Variants in HERC4 observed in about 807,000 individuals in gnomAD.
HERC4 encodes HECT and RLD domain containing E3 ubiquitin protein ligase 4.
HERC4 carries 28 observed loss-of-function variants against 124.3 expected under a neutral mutation model. The observed-to-expected ratio is 0.23, with a 90% CI of 0.17 to 0.31. HERC4 has a LOEUF of 0.31. HERC4 is among the 10% of genes least tolerant of loss of function. The pLI, the probability that HERC4 is intolerant of heterozygous loss-of-function variation, is 1.00. For missense variants in HERC4, 713 were observed against 1,229.3 expected (o/e 0.58, Z 6.28); for synonymous variants, 407 against 421.5 (o/e 0.97, Z 0.42).
At chr10:68,052,384 C>A (rs2040359339) in intron 3 of HERC4, among the ~76,000 whole-genome samples, 1 of 150,100 alleles carries the variant, frequency 6.7e-6, no homozygotes. Flanking sequence ...CATTTTTAGG[C>A]TTATTTTTAA....
chr10:68,069,388 A>T, intron 3 of HERC4: 1 of 985,376 alleles, frequency 1.0e-6, no homozygotes, highest in Non-Finnish European at 1.2e-6. Context: ...AATTCAGAAA[A>T]GCCAGTAGTG....
intron 17 of HERC4, 105 bp from the exon 18 acceptor site, chr10:67,955,235 T>C (rs571113318): frequency 2.0e-5 from 19 of 950,574 alleles, no homozygotes; most frequent in Non-Finnish European, 3.0e-5. Flanking sequence ...CTATAATTCC[T>C]ATGCTACTGA....
chr10:68,059,459 A>ATATTATAATATTATATATT (rs2040721829), intron 3 of HERC4, among the ~76,000 whole-genome samples: 2 of 83,210 alleles, frequency 2.4e-5, no homozygotes, highest in Non-Finnish European at 2.0e-5. Context: ...TATATATTAT[A>ATATTATAATATTATATATT]ATAATATTAT....
intron 23 of HERC4, among the ~76,000 whole-genome samples, chr10:67,930,033 C>G (rs1304624412): frequency 6.6e-6 from 1 of 151,854 alleles, no homozygotes; most frequent in Non-Finnish European, 1.5e-5. Flanking sequence ...CTTGAACTCC[C>G]AACCTCAGGT....
At chr10:67,985,945 C>T (rs1183739205) in intron 15 of HERC4, among the ~76,000 whole-genome samples, 1 of 152,152 alleles carries the variant, frequency 6.6e-6, no homozygotes, top group Non-Finnish European at 1.5e-5. Flanking sequence ...GAGGAAATTC[C>T]CCTTAATTCT....
At chr10:67,973,764 T>C (rs1332040033) in intron 15 of HERC4, among the ~76,000 whole-genome samples, 1 of 152,108 alleles carries the variant, frequency 6.6e-6, no homozygotes, top group Non-Finnish European at 1.5e-5. Flanking sequence ...TAAAAATTAC[T>C]GTACATAGGT....
intron 8 of HERC4, 132 bp from the exon 9 acceptor site, chr10:68,014,318 A>C: frequency 1.3e-6 from 1 of 768,498 alleles, no homozygotes; most frequent in Non-Finnish European, 2.0e-6. Flanking sequence ...GTAGTTCCAA[A>C]GCTTCTGTAC....
chr10:68,004,636 T>C lies in HERC4; in HGVS notation c.1069+9390A>G, dbSNP rs1339973839. On this transcript the variant is annotated intron_variant, in intron 9 of 24. Transcript: ENST00000373700. The stretch of plus-strand genomic sequence containing the variant: ...AAATTGCCTGAGACTGGGTAATTTA[T>C]AAAGGAAAGAGGTTTAACTGACTCA... Among the ~76,000 whole-genome samples, 3 of 152,204 alleles carry C rather than the reference T, an allele frequency of 2.0e-5. 1 individual carries two copies. The highest frequency in any genetic ancestry group is 2.0e-4 in the Admixed American group (3 of 15,280).
chr10:68,029,941 C>T (rs1453640055), intron 7 of HERC4, among the ~76,000 whole-genome samples: 3 of 150,936 alleles, frequency 2.0e-5, no homozygotes, highest in Non-Finnish European at 4.4e-5. Context: ...AGTTTCACCA[C>T]GTTGGCCAGG....
intron 8 of HERC4, among the ~76,000 whole-genome samples, chr10:68,024,638 A>C (rs1169895254): frequency 1.3e-5 from 2 of 152,248 alleles, no homozygotes; most frequent in Non-Finnish European, 2.9e-5. Flanking sequence ...ATCACCAAAG[A>C]ATACTTACAG....
chr10:68,062,684 C>T (rs368457290), intron 3 of HERC4, among the ~76,000 whole-genome samples: 9 of 151,910 alleles, frequency 5.9e-5, no homozygotes, highest in South Asian at 2.1e-4. Context: ...CACATGAACC[C>T]GGGAGGCGGA....
intron 19 of HERC4, among the ~76,000 whole-genome samples, chr10:67,946,396 C>CACACACACACACAA (rs920956046): frequency 6.3e-5 from 9 of 142,166 alleles, no homozygotes; most frequent in African/African-American, 2.4e-4. Flanking sequence ...CACACACACA[C>CACACACACACACAA]AAGACCCAAT....
At chr10:68,059,830 T>TATATTATAATAA (rs2040875213) in intron 3 of HERC4, among the ~76,000 whole-genome samples, 1 of 50,842 alleles carries the variant, frequency 2.0e-5, no homozygotes, top group Admixed American at 3.1e-4. Flanking sequence ...TATCATAATA[T>TATATTATAATAA]TATATATTAT....
chr10:68,057,879 C>T (rs1210753217), intron 3 of HERC4, among the ~76,000 whole-genome samples: 1 of 151,800 alleles, frequency 6.6e-6, no homozygotes, highest in Non-Finnish European at 1.5e-5. Flanking sequence ...TTTTCTATTT[C>T]TAGTAGAAAT....
At chr10:68,020,088 G>T (rs1476028591) in intron 8 of HERC4, among the ~76,000 whole-genome samples, 1 of 152,164 alleles carries the variant, frequency 6.6e-6, no homozygotes. Context: ...CTGTGCATTA[G>T]CAGGGAAAGG....
chr10:67,937,089 T>G (rs895370530), intron 21 of HERC4, among the ~76,000 whole-genome samples: 1 of 151,946 alleles, frequency 6.6e-6, no homozygotes, highest in Non-Finnish European at 1.5e-5. Context: ...CAAGTAGGGG[T>G]AGTATTTTGA....
chr10:67,953,727 T>C (rs1045396110), intron 19 of HERC4, among the ~76,000 whole-genome samples: 2 of 152,106 alleles, frequency 1.3e-5, no homozygotes, highest in South Asian at 2.1e-4. Context: ...TTTTGAAAAA[T>C]TGGTAACTAA....
intron 17 of HERC4, chr10:67,955,898 C>G (rs2034114080): frequency 6.6e-6 from 1 of 152,120 alleles, no homozygotes; most frequent in Non-Finnish European, 1.5e-5. Flanking sequence ...CCATTTAAAA[C>G]TTTTGTTCTT....
Position 67,990,425 on chromosome 10 carries a change from C to A in HERC4, c.1444-25G>T. ...CCTATATTTTGACAAAAAGTAAAACCTACTTCATTTAAAATGAATACACTT... is the reference window on the plus strand; with the variant it reads ...CCTATATTTTGACAAAAAGTAAAACATACTTCATTTAAAATGAATACACTT... On this transcript the variant is annotated intron_variant, in intron 13 of 24. Coordinates refer to ENST00000373700, the MANE Select transcript of HERC4 (RefSeq NM_015601.4). 6 of 1,242,702 alleles carry A rather than the reference C, an allele frequency of 4.8e-6. No individual in the cohort carries two copies. The South Asian group carries it at 6.3e-5, about 13-fold the overall frequency. 77.0% of individuals were successfully genotyped at this position (1,242,702 alleles called of 1,614,324 possible).
Sources: gnomAD v4.1 joint callset for allele counts (sites outside exome capture counted in the v4.1 genomes callset) on GRCh38, gnomAD v4.1.1 for gene constraint, MANE v1.5 for transcripts, NCBI Gene and HGNC (gene_info 2026-07-23, HGNC 2026-07-21) for gene names.